The following CHCHD6 variants were observed in gnomAD, a reference collection of about 807,000 sequenced individuals.
CHCHD6 encodes the protein MICOS complex subunit MIC25.
Under a neutral mutation model 32.3 loss-of-function variants are expected in CHCHD6, and 28 were observed. That is an observed-to-expected ratio of 0.87 (90% CI 0.64 to 1.19). CHCHD6 has a LOEUF of 1.19. Ranked by LOEUF, CHCHD6 falls within the 50% of genes most tolerant of loss-of-function variation. CHCHD6 has a pLI of 0.00. For missense variants in CHCHD6, 333 were observed against 307.0 expected (o/e 1.08, Z -0.63); for synonymous variants, 122 against 117.5 (o/e 1.04, Z -0.25).
chr3:126,908,998 C>T (rs1197738396), intron 5 of CHCHD6, among the ~76,000 whole-genome samples: 2 of 152,222 alleles, frequency 1.3e-5, no homozygotes. Context: ...CCTGTGCTGC[C>T]GCTCTGTTCT....
At chr3:126,791,040 C>G (rs1938512327) in intron 4 of CHCHD6, among the ~76,000 whole-genome samples, 1 of 152,188 alleles carries the variant, frequency 6.6e-6, no homozygotes, top group African/African-American at 2.4e-5. Flanking sequence ...TCCCTTCTAA[C>G]AGTCAGGGTC....
intron 1 of CHCHD6, among the ~76,000 whole-genome samples, chr3:126,715,026 T>C (rs1319325159): frequency 6.6e-6 from 1 of 152,186 alleles, no homozygotes; most frequent in Non-Finnish European, 1.5e-5. Context: ...CATATTGACA[T>C]TCGACTAGTT....
At chr3:126,800,668 G>A (rs1939019168) in intron 4 of CHCHD6, among the ~76,000 whole-genome samples, 2 of 152,164 alleles carry the variant, frequency 1.3e-5, no homozygotes, top group Admixed American at 1.3e-4. Flanking sequence ...CCCCCTGTGA[G>A]GATCAAATGA....
intron 4 of CHCHD6, among the ~76,000 whole-genome samples, chr3:126,851,214 G>A (rs1941464126): frequency 6.6e-6 from 1 of 152,226 alleles, no homozygotes; most frequent in Admixed American, 6.5e-5. Context: ...GCACTAGTGA[G>A]TGGTCAGCTC....
chr3:126,852,497 G>A (rs1365874760), intron 4 of CHCHD6, 150 bp from the exon 5 acceptor site: 2 of 605,140 alleles, frequency 3.3e-6, no homozygotes, highest in Non-Finnish European at 6.1e-6. Flanking sequence ...CAATATATGT[G>A]AATGATCTGG....
chr3:126,793,235 G>T (rs1938634668), intron 4 of CHCHD6, among the ~76,000 whole-genome samples: 1 of 151,902 alleles, frequency 6.6e-6, no homozygotes, highest in African/African-American at 2.4e-5. Flanking sequence ...GATATGTTAG[G>T]ATTCAAGTTT....
chr3:126,745,406 ATGCT>A (rs1488296413), intron 4 of CHCHD6, among the ~76,000 whole-genome samples: 1 of 152,182 alleles, frequency 6.6e-6, no homozygotes, highest in African/African-American at 2.4e-5. Flanking sequence ...AGTTGTTAGC[ATGCT>A]TTCATAATAT....
intron 4 of CHCHD6, among the ~76,000 whole-genome samples, chr3:126,779,172 T>C (rs1037032738): frequency 9.9e-5 from 15 of 152,284 alleles, no homozygotes; most frequent in African/African-American, 3.6e-4. Flanking sequence ...GCTGGTACTT[T>C]TATTGTCACC....
At chr3:126,759,467 G>A (rs1937083932) in intron 4 of CHCHD6, among the ~76,000 whole-genome samples, 1 of 152,178 alleles carries the variant, frequency 6.6e-6, no homozygotes, top group East Asian at 1.9e-4. Context: ...TCAAGGACAT[G>A]CATTTCTTAT....
At chr3:126,869,611 T>C (rs948809245) in intron 5 of CHCHD6, among the ~76,000 whole-genome samples, 2 of 152,162 alleles carry the variant, frequency 1.3e-5, no homozygotes, top group Non-Finnish European at 2.9e-5. Flanking sequence ...TGGCTAGTTT[T>C]GTGTTAGGCA....
intron 5 of CHCHD6, among the ~76,000 whole-genome samples, chr3:126,892,520 G>C (rs1012352554): frequency 6.6e-6 from 1 of 152,142 alleles, no homozygotes; most frequent in Non-Finnish European, 1.5e-5. Flanking sequence ...CTGCTTCAGC[G>C]TTGGGCACCC....
chr3:126,748,393 G>A (rs1201216988), intron 4 of CHCHD6, among the ~76,000 whole-genome samples: 3 of 152,070 alleles, frequency 2.0e-5, no homozygotes, highest in Non-Finnish European at 4.4e-5. Flanking sequence ...TCAGGAATTC[G>A]AGACCAGCCT....
chr3:126,958,759 C>T (rs2078821649), intron 7 of CHCHD6, among the ~76,000 whole-genome samples: 1 of 152,208 alleles, frequency 6.6e-6, no homozygotes, highest in Admixed American at 6.5e-5. Context: ...CGGCCTCCTC[C>T]TCCATCTCAG....
chr3:126,714,240 A>T (rs1294589916), intron 1 of CHCHD6, among the ~76,000 whole-genome samples: 1 of 152,122 alleles, frequency 6.6e-6, no homozygotes, highest in Admixed American at 6.5e-5. Flanking sequence ...GTCTCATTAC[A>T]GTTACACCAT....
At chr3:126,911,505 G>A (rs1163526485) in intron 5 of CHCHD6, among the ~76,000 whole-genome samples, 2 of 152,204 alleles carry the variant, frequency 1.3e-5, no homozygotes, top group African/African-American at 4.8e-5. Flanking sequence ...CGGTTGTGAG[G>A]ACATCCGTCC....
At chr3:126,843,678 C>A (rs1298369775) in intron 4 of CHCHD6, among the ~76,000 whole-genome samples, 4 of 152,164 alleles carry the variant, frequency 2.6e-5, no homozygotes, top group African/African-American at 9.7e-5. Context: ...AATTTTTCAT[C>A]TATTCTTGAA....
chr3:126,864,931 A>ATCTCCTCCTCCTCCACCATCATCT (rs371158806), intron 5 of CHCHD6, among the ~76,000 whole-genome samples: 1 of 100,224 alleles, frequency 1.0e-5, no homozygotes, highest in African/African-American at 4.6e-5. Flanking sequence ...CTCCACCATC[A>ATCTCCTCCTCCTCCACCATCATCT]CCTCCTCCTC....
chr3:126,881,790 C>A (rs1187537941), intron 5 of CHCHD6, among the ~76,000 whole-genome samples: 1 of 152,140 alleles, frequency 6.6e-6, no homozygotes, highest in African/African-American at 2.4e-5. Context: ...ACTAATTGAA[C>A]TTTTTAATAG....
chr3:126,720,711 T>C (rs1050044590), intron 1 of CHCHD6, among the ~76,000 whole-genome samples: 3 of 152,140 alleles, frequency 2.0e-5, no homozygotes, highest in Non-Finnish European at 2.9e-5. Context: ...AAGTGTTCCC[T>C]CTTGAGTGCT....
Sources: allele counts gnomAD v4.1 joint callset (sites outside exome capture counted in the v4.1 genomes callset), GRCh38; gene constraint gnomAD v4.1.1; transcripts MANE v1.5; gene names NCBI Gene and HGNC (gene_info 2026-07-23, HGNC 2026-07-21).